CCDC178: variants seen among roughly 807,000 people sequenced by gnomAD.
CCDC178 encodes coiled-coil domain containing 178, also known as coiled-coil domain-containing protein 178.
CCDC178 carries 126 observed loss-of-function variants against 117.4 expected under a neutral mutation model. That is an observed-to-expected ratio of 1.07 (90% CI 0.93 to 1.24). CCDC178 has a LOEUF of 1.24. Ranked by LOEUF, CCDC178 falls within the 50% of genes most tolerant of loss-of-function variation. The pLI, the probability that CCDC178 is intolerant of heterozygous loss-of-function variation, is 0.00. For synonymous variants in CCDC178, 283 were observed against 313.4 expected (o/e 0.90, Z 1.02); for missense variants, 1,030 against 986.9 (o/e 1.04, Z -0.59).
At chr18:33,170,733 C>T (rs1231859528) in intron 20 of CCDC178, among the ~76,000 whole-genome samples, 1 of 152,068 alleles carries the variant, frequency 6.6e-6, no homozygotes, top group East Asian at 1.9e-4. Flanking sequence ...TTTTATGTCA[C>T]ATACAAAAAC....
At chr18:32,971,506 T>G (rs753303913) in intron 22 of CCDC178, among the ~76,000 whole-genome samples, 15 of 152,108 alleles carry the variant, frequency 9.9e-5, no homozygotes, top group Non-Finnish European at 1.9e-4. Flanking sequence ...GTCTTTATAG[T>G]AGAATGATTT....
chr18:33,388,788 C>G (rs1015487912), intron 5 of CCDC178, among the ~76,000 whole-genome samples: 1 of 152,080 alleles, frequency 6.6e-6, no homozygotes, highest in African/African-American at 2.4e-5. Context: ...CAAAGTTACA[C>G]CACAGAATAT....
intron 20 of CCDC178, among the ~76,000 whole-genome samples, chr18:33,189,879 G>T (rs920897159): frequency 5.3e-5 from 8 of 152,140 alleles, no homozygotes; most frequent in African/African-American, 1.9e-4. Context: ...AATTTTGAAA[G>T]CATACTGAAG....
At chr18:33,220,778 T>C (rs978805864) in intron 18 of CCDC178, among the ~76,000 whole-genome samples, 2 of 152,080 alleles carry the variant, frequency 1.3e-5, no homozygotes, top group Admixed American at 6.6e-5. Context: ...ACTGATAACA[T>C]TGGCTGAAGA....
intron 20 of CCDC178, among the ~76,000 whole-genome samples, chr18:33,152,874 T>C (rs1177475120): frequency 6.6e-6 from 1 of 152,036 alleles, no homozygotes; most frequent in Non-Finnish European, 1.5e-5. Context: ...GCAAAGAGAA[T>C]GCCTTGACAT....
chr18:33,030,162 C>G (rs1188538790), intron 21 of CCDC178, among the ~76,000 whole-genome samples: 1 of 151,932 alleles, frequency 6.6e-6, no homozygotes, highest in Non-Finnish European at 1.5e-5. Flanking sequence ...TTGTTTCCTG[C>G]ATATATATTT....
chr18:33,190,231 A>T (rs1393263636), intron 20 of CCDC178, among the ~76,000 whole-genome samples: 1 of 152,172 alleles, frequency 6.6e-6, no homozygotes, highest in African/African-American at 2.4e-5. Flanking sequence ...GTGACTCTCT[A>T]ATCCTCCAGT....
chr18:33,149,399 G>C (rs1298639392), intron 20 of CCDC178, among the ~76,000 whole-genome samples: 2 of 152,216 alleles, frequency 1.3e-5, no homozygotes, highest in Non-Finnish European at 2.9e-5. Context: ...AGAATGTGGA[G>C]CTATGTGAAC....
At chr18:33,172,015 A>T (rs1345060692) in intron 20 of CCDC178, among the ~76,000 whole-genome samples, 5 of 152,132 alleles carry the variant, frequency 3.3e-5, no homozygotes, top group African/African-American at 1.2e-4. Context: ...GGTTCAAGCA[A>T]TTCTCCTGCC....
At chr18:33,137,900 C>T (rs953423571) in intron 20 of CCDC178, among the ~76,000 whole-genome samples, 3 of 152,174 alleles carry the variant, frequency 2.0e-5, no homozygotes, top group African/African-American at 4.8e-5. Context: ...TGTAAGGCTA[C>T]TATTGAATGG....
chr18:33,280,444 C>T (rs1490342507), intron 12 of CCDC178, among the ~76,000 whole-genome samples: 1 of 151,338 alleles, frequency 6.6e-6, no homozygotes, highest in East Asian at 2.0e-4. Flanking sequence ...ATTAAAAAGT[C>T]AGGAAACAAC....
chr18:33,086,070 T>C (rs1345594017), intron 21 of CCDC178, among the ~76,000 whole-genome samples: 4 of 151,886 alleles, frequency 2.6e-5, no homozygotes, highest in Admixed American at 6.6e-5. Flanking sequence ...AATTAGAAAA[T>C]ATACCTATCA....
intron 19 of CCDC178, 140 bp downstream of exon 19, chr18:33,215,410 A>T: frequency 1.9e-6 from 1 of 516,220 alleles, no homozygotes; most frequent in Non-Finnish European, 3.0e-6. Context: ...TAAAATTATC[A>T]AATAACACAT....
chr18:33,195,180 T>A (rs2058916602), intron 20 of CCDC178, among the ~76,000 whole-genome samples: 1 of 151,786 alleles, frequency 6.6e-6, no homozygotes, highest in Admixed American at 6.6e-5. Context: ...AAAAATACAA[T>A]TTTAACTATC....
At chr18:33,031,846 T>C (rs1598808164) in intron 21 of CCDC178, among the ~76,000 whole-genome samples, 1 of 152,144 alleles carries the variant, frequency 6.6e-6, no homozygotes, top group Admixed American at 6.6e-5. Context: ...CTCTCAGGCA[T>C]AGATTGAGTA....
chr18:33,318,313 G>C (rs941852762), intron 11 of CCDC178, among the ~76,000 whole-genome samples: 1 of 152,158 alleles, frequency 6.6e-6, no homozygotes, highest in Non-Finnish European at 1.5e-5. Flanking sequence ...ATGAATATCA[G>C]GGAGGAGAAG....
At chr18:33,173,309 C>G (rs1411062146) in intron 20 of CCDC178, among the ~76,000 whole-genome samples, 1 of 152,152 alleles carries the variant, frequency 6.6e-6, no homozygotes, top group Non-Finnish European at 1.5e-5. Flanking sequence ...CTCAGCCTCC[C>G]AAAGTGCTGG....
chr18:33,220,989 C>T (rs373315989), intron 18 of CCDC178, among the ~76,000 whole-genome samples: 2 of 152,168 alleles, frequency 1.3e-5, no homozygotes, highest in South Asian at 2.1e-4. Flanking sequence ...ACCCACAAAG[C>T]CCTGCGTACC....
chr18:33,295,730 T>C (rs1421903897), intron 11 of CCDC178, among the ~76,000 whole-genome samples: 1 of 152,056 alleles, frequency 6.6e-6, no homozygotes, highest in East Asian at 1.9e-4. Context: ...ATTCAAATCA[T>C]AGTGAGATAT....
Sources: allele counts gnomAD v4.1 joint callset (sites outside exome capture counted in the v4.1 genomes callset), GRCh38; gene constraint gnomAD v4.1.1; transcripts MANE v1.5; gene names NCBI Gene and HGNC (gene_info 2026-07-23, HGNC 2026-07-21).